Variants in SCUBE1 observed in about 807,000 individuals in gnomAD.
SCUBE1 encodes the protein signal peptide, CUB and EGF-like domain-containing protein 1.
SCUBE1 carries 59 observed loss-of-function variants against 124.4 expected under a neutral mutation model. The observed-to-expected ratio is 0.47, with a 90% CI of 0.38 to 0.59. SCUBE1 has a LOEUF of 0.59. Ranked by LOEUF, SCUBE1 falls within the 20% of genes least tolerant of loss-of-function variation. The pLI, the probability that SCUBE1 is intolerant of heterozygous loss-of-function variation, is 0.00. For synonymous variants in SCUBE1, 545 were observed against 550.9 expected, an observed-to-expected ratio of 0.99 and a Z score of 0.15; for missense variants, 1,150 against 1,371.2, an observed-to-expected ratio of 0.84 and a Z score of 2.55.
In SCUBE1 at chr22:43,293,195, G is replaced by A. The variant is rs142902816; in HGVS notation, c.350-2015C>T. Among the ~76,000 whole-genome samples, 21 of 152,342 alleles carry A rather than the reference G, an allele frequency of 1.4e-4. No homozygotes were observed. In the East Asian group the frequency reaches 2.5e-3, roughly 18 times the overall value. On this transcript the variant is annotated intron_variant, in intron 3 of 21. Coordinates refer to ENST00000360835, the MANE Select transcript of SCUBE1 (RefSeq NM_173050.5). ...CATGAAAAGCACCAAGCCAGGCCCC[G>A]TGTCCTACTCATCCTGCTAACAACA...
At position 43,203,346 on chromosome 22, in the gene SCUBE1, A is replaced by G. The variant is rs911059261; in HGVS notation, c.*651T>C. 2.7e-5 allele frequency: 4 copies of G among 149,670 alleles called. No homozygotes were observed. Among genetic ancestry groups the G allele is most frequent in the Non-Finnish European group, 5.9e-5 (4 of 67,604 alleles). The allele number at this position is 149,670 out of a possible 1,614,324, so 9.3% of individuals were successfully genotyped here. Reference sequence around the variant, plus strand: ...TGACCAAAGGGCATTTTCCTAAAGTACCCACAAATAGAAGTATATATATAT... The same window carrying G: ...TGACCAAAGGGCATTTTCCTAAAGTGCCCACAAATAGAAGTATATATATAT... On this transcript the variant is annotated 3_prime_UTR_variant, in exon 22 of 22. Transcript: ENST00000360835.
intron 3 of SCUBE1, 56 bp downstream of exon 3, chr22:43,319,881 G>C: frequency 6.3e-7 from 1 of 1,596,952 alleles, no homozygotes; most frequent in Non-Finnish European, 8.6e-7. Context: ...CTGTAAGCTG[G>C]AGCAAAGCAA....
Position 43,212,512 on chromosome 22 carries a change from G to A in SCUBE1, c.2134C>T (p.Pro712Ser), listed in dbSNP as rs1300103942. The part of the protein sequence containing the change: ...ACPVGTYQPE[P>S]GRTGCFPCGG... ...CAGGGGAAGCAGCCGGTGCGCCCGGGCTCAGGCTGGTACGTGCCCACGGGG... is the reference window on the plus strand; with the variant it reads ...CAGGGGAAGCAGCCGGTGCGCCCGGACTCAGGCTGGTACGTGCCCACGGGG... Residue 712 changes from proline (P) to serine (S), a missense_variant, in exon 17 of 22, where the codon CCC becomes TCC. Coordinates refer to ENST00000360835, the MANE Select transcript of SCUBE1 (RefSeq NM_173050.5). 2 of 1,558,370 alleles carry A rather than the reference G, an allele frequency of 1.3e-6. No individual in the cohort carries two copies. Among genetic ancestry groups the A allele is most frequent in the Non-Finnish European group, 8.7e-7 (1 of 1,151,548 alleles).
At chr22:43,215,669 A>G (rs1418072109) in intron 15 of SCUBE1, among the ~76,000 whole-genome samples, 1 of 152,126 alleles carries the variant, frequency 6.6e-6, no homozygotes, top group Non-Finnish European at 1.5e-5. Flanking sequence ...AACCAGAGGG[A>G]GCTCTGAGCG....
chr22:43,237,140 G>A (rs1922801718), intron 7 of SCUBE1, among the ~76,000 whole-genome samples: 1 of 152,082 alleles, frequency 6.6e-6, no homozygotes, highest in Non-Finnish European at 1.5e-5. Flanking sequence ...TGGGGCTGTG[G>A]ACATCACTCC....
rs570266647 is a variant in SCUBE1 at position 43,322,166 on chromosome 22, A to G, written c.221-2101T>C. 3.3e-5 allele frequency among the ~76,000 whole-genome samples: 5 copies of G among 152,032 alleles called. No individual in the cohort carries two copies. The South Asian group carries it at 1.0e-3, about 32-fold the overall frequency. ...GCCCGGCTAATTTTTTGTATTTTTA[A>G]TAGAGATGGGGTTTCACCATGTTAG... On this transcript the variant is annotated intron_variant, in intron 2 of 21. Coordinates refer to ENST00000360835, the MANE Select transcript of SCUBE1 (RefSeq NM_173050.5).
chr22:43,309,335 A>G (rs1264047909), intron 3 of SCUBE1, among the ~76,000 whole-genome samples: 1 of 152,204 alleles, frequency 6.6e-6, no homozygotes, highest in Non-Finnish European at 1.5e-5. Flanking sequence ...ATGCAGGAGT[A>G]CACAGAGGCC....
Position 43,258,435 on chromosome 22 carries a change from A to C in SCUBE1, c.611-100T>G, listed in dbSNP as rs1283225375. On this transcript the variant is annotated intron_variant, in intron 5 of 21. Transcript: ENST00000360835. The surrounding 1 kb of genome is among the most constrained non-coding windows in gnomAD (Gnocchi z 5.0). ...CTGCCTTCAGGGTATGGGGAAACTG[A>C]GGCCTAAGGGCATCAGTGGGTAGGG... is the stretch of plus-strand genomic sequence containing the variant. 1.2e-6 allele frequency: 1 copy of C among 854,878 alleles called. No individual in the cohort carries two copies. Among genetic ancestry groups the C allele is most frequent in the Non-Finnish European group, 2.0e-6 (1 of 499,466 alleles). The allele number at this position is 854,878 out of a possible 1,614,324, so 53.0% of individuals were successfully genotyped here.
chr22:43,331,995 G>T (rs1462419152), intron 2 of SCUBE1, among the ~76,000 whole-genome samples: 1 of 152,146 alleles, frequency 6.6e-6, no homozygotes, highest in Non-Finnish European at 1.5e-5. Flanking sequence ...GGGAGGGATG[G>T]ATAAAAAATG....
rs1920978448 is a variant in SCUBE1, at chr22:43,199,976, G to A, written c.*4021C>T. The A allele has an allele frequency of 6.6e-6, 1 of 152,260 alleles. No homozygotes were observed. The highest frequency in any genetic ancestry group is 6.5e-5 in the Admixed American group (1 of 15,284). 9.4% of individuals were successfully genotyped at this position (152,260 alleles called of 1,614,324 possible). A position where few individuals can be genotyped will look rare whatever the true frequency, so the allele number is the denominator to read the frequency against. On this transcript the variant is annotated 3_prime_UTR_variant, in exon 22 of 22. Transcript: ENST00000360835. ...TGCTGCAGGTTCCTTCCCTTCCCGT[G>A]GCTTGTTTCTGGAAAGTAGAAATAA...
intron 3 of SCUBE1, among the ~76,000 whole-genome samples, chr22:43,313,408 A>T (rs2146777172): frequency 6.6e-6 from 1 of 152,366 alleles, no homozygotes; most frequent in East Asian, 1.9e-4. Flanking sequence ...ACATCTGGCT[A>T]AGTGAACTAA....
intron 6 of SCUBE1, among the ~76,000 whole-genome samples, chr22:43,249,008 C>T (rs1193864857): frequency 1.3e-5 from 2 of 152,164 alleles, no homozygotes; most frequent in African/African-American, 4.8e-5. Flanking sequence ...GCTTCTGCCC[C>T]CAGTCAGGGG....
At chr22:43,242,025 G>A (rs970200160) in intron 6 of SCUBE1, among the ~76,000 whole-genome samples, 11 of 152,232 alleles carry the variant, frequency 7.2e-5, no homozygotes, top group Non-Finnish European at 1.5e-4. Flanking sequence ...CCATTTATGC[G>A]GTGCCCACCT....
intron 4 of SCUBE1, among the ~76,000 whole-genome samples, chr22:43,268,957 G>A (rs1924183481): frequency 6.6e-6 from 1 of 152,212 alleles, no homozygotes; most frequent in Admixed American, 6.5e-5. Context: ...CAGTGGTTAT[G>A]GGGATTGGGA....
intron 9 of SCUBE1, 75 bp downstream of exon 9, chr22:43,228,997 G>C (rs1922440368): frequency 5.8e-6 from 6 of 1,041,518 alleles, no homozygotes; most frequent in Middle Eastern, 2.8e-4. Flanking sequence ...TTGGGATGCG[G>C]GGTGCAGTGT....
intron 9 of SCUBE1, 43 bp downstream of exon 9, chr22:43,229,029 C>T (rs375709731): frequency 3.0e-5 from 44 of 1,443,648 alleles, no homozygotes; most frequent in South Asian, 1.0e-4. Flanking sequence ...CGGCCAGGCG[C>T]GTGCCTCGGG....
At chr22:43,273,840 T>C (rs1924390511) in intron 4 of SCUBE1, among the ~76,000 whole-genome samples, 1 of 152,160 alleles carries the variant, frequency 6.6e-6, no homozygotes, top group South Asian at 2.1e-4. Flanking sequence ...CCCAAAGTGC[T>C]GGGATTACAG....
intron 2 of SCUBE1, among the ~76,000 whole-genome samples, chr22:43,330,609 A>C (rs1707042031): frequency 6.6e-6 from 1 of 152,248 alleles, no homozygotes; most frequent in South Asian, 2.1e-4. Context: ...ACTCAACTGA[A>C]TCCAGTCCAG....
chr22:43,248,611 C>T (rs1923312935), intron 6 of SCUBE1, among the ~76,000 whole-genome samples: 1 of 152,242 alleles, frequency 6.6e-6, no homozygotes, highest in Non-Finnish European at 1.5e-5. Flanking sequence ...GCCTGACCAC[C>T]TGATCCTTCT....
Sources: gnomAD v4.1 joint callset for allele counts (sites outside exome capture counted in the v4.1 genomes callset) on GRCh38, gnomAD v4.1.1 for gene constraint, Gnocchi (gnomAD v3.1) non-coding constraint, MANE v1.5 for transcripts, NCBI Gene and HGNC (gene_info 2026-07-23, HGNC 2026-07-21) for gene names.